HSPA12B: variants seen among roughly 807,000 people sequenced by gnomAD.
The protein encoded by HSPA12B is heat shock protein family A (Hsp70) member 12B, also known as heat shock 70 kDa protein 12B.
In HSPA12B, 54 loss-of-function variants were observed where a neutral mutation model predicts 69.3. The observed-to-expected ratio is 0.78, with a 90% confidence interval of 0.63 to 0.98. The LOEUF is 0.98. Among genes scored for constraint, HSPA12B ranks in the 50% least tolerant of loss-of-function variants. HSPA12B has a pLI of 0.00. For synonymous variants in HSPA12B, 441 were observed against 436.5 expected (o/e 1.01, Z -0.13); for missense variants, 929 against 999.8 (o/e 0.93, Z 0.96).
rs1390000796 is a variant in HSPA12B at position 3,752,238 on chromosome 20, G to A, written c.*72G>A. 26 of 1,345,436 alleles carry A rather than the reference G, an allele frequency of 1.9e-5. No homozygotes were observed. The highest frequency in any genetic ancestry group is 2.5e-5 in the Non-Finnish European group (26 of 1,032,142). The allele number at this position is 1,345,436 out of a possible 1,614,324, so 83.3% of individuals were successfully genotyped here. On this transcript the variant is annotated 3_prime_UTR_variant, in exon 13 of 13. Transcript: ENST00000254963. ...TTTCGGTTCAGGGGCCTGCGGAGCGGGTTGGGGCGGGGGAAACGATAGTTC... is the reference window on the plus strand; with the variant it reads ...TTTCGGTTCAGGGGCCTGCGGAGCGAGTTGGGGCGGGGGAAACGATAGTTC...
In HSPA12B at chr20:3,751,491, C is replaced by A; in HGVS notation, c.1406-20C>A. 7.2e-7 allele frequency: 1 copy of A among 1,384,760 alleles called. No homozygotes were observed. Among genetic ancestry groups the A allele is most frequent in the Non-Finnish European group, 9.3e-7 (1 of 1,071,564 alleles). 85.8% of individuals were successfully genotyped at this position (1,384,760 alleles called of 1,614,324 possible). A position where few individuals can be genotyped will look rare whatever the true frequency, so the allele number is the denominator to read the frequency against. ...TCTCCTCTGCCCCCTTCACCCGCGTCCCCCCGTCCTGTCCCGCAGAGGCCC... is the reference window on the plus strand; with the variant it reads ...TCTCCTCTGCCCCCTTCACCCGCGTACCCCCGTCCTGTCCCGCAGAGGCCC... On this transcript the variant is annotated intron_variant, in intron 12 of 12. Transcript: ENST00000254963.
In HSPA12B at chr20:3,747,737, C is replaced by T. The variant is rs985942364; in HGVS notation, c.676-480C>T. The stretch of plus-strand genomic sequence containing the variant: ...TGGAAGTGGGGTGGCCTATGGCTAC[C>T]GTCTGACACCAGCCTAGTGGAGAAA... On this transcript the variant is annotated intron_variant, in intron 7 of 12. Coordinates refer to ENST00000254963, the MANE Select transcript of HSPA12B (RefSeq NM_052970.5). 3.9e-5 allele frequency among the ~76,000 whole-genome samples: 6 copies of T among 152,306 alleles called. No homozygotes were observed. In the East Asian group the frequency reaches 9.6e-4, roughly 24 times the overall value.
At position 3,737,457 on chromosome 20, in the gene HSPA12B, T is replaced by C. The variant is rs1264699213; in HGVS notation, c.-17-1201T>C. Among the ~76,000 whole-genome samples, 1 of 152,146 alleles carries C rather than the reference T, an allele frequency of 6.6e-6. No individual in the cohort carries two copies. Among genetic ancestry groups the C allele is most frequent in the Non-Finnish European group, 1.5e-5 (1 of 68,016 alleles). ...CTGGGCAACAGAGTGAAACTCCATC[T>C]TAAGAAAAGAAGTTCTAGCTCATGT... On this transcript the variant is annotated intron_variant, in intron 1 of 12. Coordinates refer to ENST00000254963, the MANE Select transcript of HSPA12B (RefSeq NM_052970.5). The surrounding 1 kb of genome is among the most constrained non-coding windows in gnomAD (Gnocchi z 4.1).
chr20:3,741,277 T>C (rs2088197418), intron 3 of HSPA12B, among the ~76,000 whole-genome samples: 1 of 147,714 alleles, frequency 6.8e-6, no homozygotes, highest in Admixed American at 6.8e-5. Context: ...CCCACCTTAA[T>C]CCAAGTCATA....
chr20:3,749,895 G>A lies in HSPA12B; in HGVS notation c.1042+41G>A. 12 of 1,541,864 alleles carry A rather than the reference G, an allele frequency of 7.8e-6. No homozygotes were observed. Among genetic ancestry groups the A allele is most frequent in the Non-Finnish European group, 1.1e-5 (12 of 1,141,380 alleles). On this transcript the variant is annotated intron_variant, in intron 10 of 12. Transcript: ENST00000254963. This position sits in a 1 kb window ranked among gnomAD's most constrained non-coding sequence, Gnocchi z 5.5. ...GCGCCCCGGTACCCAGCGCGACCCG[G>A]GCTCCGGCCCCGCCACTGCCCCCTG...
chr20:3,746,508 T>C (rs2088308749), intron 7 of HSPA12B, among the ~76,000 whole-genome samples: 1 of 151,886 alleles, frequency 6.6e-6, no homozygotes, highest in Non-Finnish European at 1.5e-5. Flanking sequence ...TTCATCGTGT[T>C]AGCCAGGATG....
intron 7 of HSPA12B, among the ~76,000 whole-genome samples, chr20:3,746,526 T>C (rs1241472432): frequency 6.6e-6 from 1 of 151,856 alleles, no homozygotes; most frequent in Non-Finnish European, 1.5e-5. Context: ...ATGGTTTCAA[T>C]CTCCTGACCT....
chr20:3,741,965 C>T (rs2088209293), intron 3 of HSPA12B, among the ~76,000 whole-genome samples: 2 of 151,722 alleles, frequency 1.3e-5, no homozygotes, highest in South Asian at 2.1e-4. Context: ...CTAATGGCTG[C>T]CTATGAAGAT....
At chr20:3,742,662 C>G (rs1405713091) in intron 4 of HSPA12B, among the ~76,000 whole-genome samples, 1 of 151,844 alleles carries the variant, frequency 6.6e-6, no homozygotes, top group Non-Finnish European at 1.5e-5. Flanking sequence ...TGAGATATAA[C>G]AAACATAACA....
intron 7 of HSPA12B, 133 bp downstream of exon 7, chr20:3,746,164 G>A (rs906290334): frequency 1.5e-6 from 1 of 650,110 alleles, no homozygotes; most frequent in East Asian, 2.8e-5. Flanking sequence ...CCTGATGGGA[G>A]TTTGTAGAGT....
Position 3,746,043 on chromosome 20 carries a change from C to T in HSPA12B, c.675+12C>T, listed in dbSNP as rs200413470. On this transcript the variant is annotated intron_variant, in intron 7 of 12. Coordinates refer to ENST00000254963, the MANE Select transcript of HSPA12B (RefSeq NM_052970.5). ...AGGCTGCCTACCTGGTGAGGACGTG[C>T]AGGCGGGCCCGAGAACACTGCTCAG... is the stretch of plus-strand genomic sequence containing the variant. The T allele has an allele frequency of 1.9e-6, 3 of 1,602,464 alleles. No homozygotes were observed. Among genetic ancestry groups the T allele is most frequent in the Non-Finnish European group, 1.7e-6 (2 of 1,169,736 alleles).
rs1030401732 is a variant in HSPA12B at position 3,745,376 on chromosome 20, G to T, written c.454-117G>T. 5 of 774,938 alleles carry T rather than the reference G, an allele frequency of 6.5e-6. No homozygotes were observed. The African/African-American group carries it at 8.5e-5, about 13-fold the overall frequency. 48.0% of individuals were successfully genotyped at this position (774,938 alleles called of 1,614,324 possible). ...GCTAATGTCACATGGGGCAAGAGTGGGACGGTGGTAAAGAGGAGGGGAAGC... is the reference window on the plus strand; with the variant it reads ...GCTAATGTCACATGGGGCAAGAGTGTGACGGTGGTAAAGAGGAGGGGAAGC... On this transcript the variant is annotated intron_variant, in intron 5 of 12. Coordinates refer to ENST00000254963, the MANE Select transcript of HSPA12B (RefSeq NM_052970.5). This position sits in a 1 kb window ranked among gnomAD's most constrained non-coding sequence, Gnocchi z 5.6.
chr20:3,745,740 C>T lies in HSPA12B; in HGVS notation c.558+143C>T. Reference sequence around the variant, plus strand: ...AGGTCATCTTCTCCAGTACCCTCCTCCCTTTTTGTCTGGTAGAGCCTGCAC... The same window carrying T: ...AGGTCATCTTCTCCAGTACCCTCCTTCCTTTTTGTCTGGTAGAGCCTGCAC... On this transcript the variant is annotated intron_variant, in intron 6 of 12. Coordinates refer to ENST00000254963, the MANE Select transcript of HSPA12B (RefSeq NM_052970.5). The surrounding 1 kb of genome is among the most constrained non-coding windows in gnomAD (Gnocchi z 5.6). The T allele has an allele frequency of 1.1e-6, 1 of 918,560 alleles. No individual in the cohort carries two copies. The highest frequency in any genetic ancestry group is 1.7e-6 in the Non-Finnish European group (1 of 573,428). 56.9% of individuals were successfully genotyped at this position (918,560 alleles called of 1,614,324 possible).
intron 1 of HSPA12B, among the ~76,000 whole-genome samples, chr20:3,734,628 A>C (rs1438499031): frequency 6.6e-6 from 1 of 151,840 alleles, no homozygotes; most frequent in Non-Finnish European, 1.5e-5. Context: ...TTCTGTGGTC[A>C]GCACTCTCCT....
intron 1 of HSPA12B, among the ~76,000 whole-genome samples, chr20:3,735,052 ATT>A (rs1436097745): frequency 6.6e-6 from 1 of 152,130 alleles, no homozygotes; most frequent in Non-Finnish European, 1.5e-5. Context: ...ACACAGATTG[ATT>A]TAGTTCCTAC....
chr20:3,734,299 G>A (rs141765796), intron 1 of HSPA12B, among the ~76,000 whole-genome samples: 3 of 152,272 alleles, frequency 2.0e-5, no homozygotes, highest in African/African-American at 7.2e-5. Context: ...GTGACTAATC[G>A]GCCCTGCCTA....
chr20:3,746,643 T>G (rs990903216), intron 7 of HSPA12B, among the ~76,000 whole-genome samples: 1 of 152,118 alleles, frequency 6.6e-6, no homozygotes, highest in African/African-American at 2.4e-5. Flanking sequence ...GAAGAAGGTT[T>G]CTCAGGAGAA....
In HSPA12B at chr20:3,745,894, C is replaced by T. The variant is rs765733145; in HGVS notation, c.559-21C>T. ...CCTCCCTCCAAGCCAGCTTTCCTCT[C>T]ACTGCCCCCTCCTGTACCAGGAGCT... On this transcript the variant is annotated intron_variant, in intron 6 of 12. Transcript: ENST00000254963. This position sits in a 1 kb window ranked among gnomAD's most constrained non-coding sequence, Gnocchi z 5.6. The T allele has an allele frequency of 1.9e-6, 3 of 1,605,636 alleles. No homozygotes were observed. In the African/African-American group the frequency reaches 4.0e-5, roughly 21 times the overall value.
In HSPA12B at chr20:3,740,713, C is replaced by A; in HGVS notation, c.44-102C>A. On this transcript the variant is annotated intron_variant, in intron 2 of 12. Coordinates refer to ENST00000254963, the MANE Select transcript of HSPA12B (RefSeq NM_052970.5). This position sits in a 1 kb window ranked among gnomAD's most constrained non-coding sequence, Gnocchi z 4.9. ...CCCAGCAGAGAGCCCTTTGCCTTAG[C>A]CCAGCAAGGACTGATGGAGAACCTT... is the stretch of plus-strand genomic sequence containing the variant. 1 of 883,732 alleles carries A rather than the reference C, an allele frequency of 1.1e-6. No homozygotes were observed. The highest frequency in any genetic ancestry group is 1.8e-6 in the Non-Finnish European group (1 of 545,804). 54.7% of individuals were successfully genotyped at this position (883,732 alleles called of 1,614,324 possible).
Sources: gnomAD v4.1 joint callset for allele counts (sites outside exome capture counted in the v4.1 genomes callset) on GRCh38, gnomAD v4.1.1 for gene constraint, Gnocchi (gnomAD v3.1) non-coding constraint, MANE v1.5 for transcripts, NCBI Gene and HGNC (gene_info 2026-07-23, HGNC 2026-07-21) for gene names.